Variants in AHDC1 observed in about 807,000 individuals in gnomAD.
AHDC1 encodes AT-hook DNA binding motif containing 1, also known as transcription factor Gibbin.
AHDC1 carries 7 observed loss-of-function variants against 87.9 expected under a neutral mutation model. The observed-to-expected ratio is 0.08, with a 90% confidence interval of 0.05 to 0.15. The LOEUF (loss-of-function observed/expected upper bound fraction) is 0.15, where lower values mean the gene tolerates loss of function less well. AHDC1 is among the 10% of genes least tolerant of loss of function. The probability of loss-of-function intolerance (pLI) is 1.00; values close to 1 mark genes in which losing one functional copy is unlikely to be tolerated. For missense variants in AHDC1, 1,841 were observed against 2,253.2 expected (o/e 0.82, Z 3.70); for synonymous variants, 1,051 against 1,006.8 (o/e 1.04, Z -0.83).
chr1:27,597,335 TTGTGTG>T (rs58592828), intron 3 of AHDC1, among the ~76,000 whole-genome samples: 2,196 of 149,454 alleles, frequency 0.015, 58 homozygotes, highest in African/African-American at 0.051. Flanking sequence ...TGTCACAAAT[TTGTGTG>T]TGTGTGTGTG....
intron 3 of AHDC1, among the ~76,000 whole-genome samples, chr1:27,577,342 G>A (rs1410234146): frequency 3.3e-5 from 5 of 152,226 alleles, no homozygotes; most frequent in Admixed American, 6.5e-5. Flanking sequence ...CCTGCCGTGC[G>A]GCAGCTAGAG....
Position 27,561,469 on chromosome 1 carries a change from G to C in AHDC1, c.-628-2586C>G, listed in dbSNP as rs760529669. Among the ~76,000 whole-genome samples, 1 of 152,238 alleles carries C rather than the reference G, an allele frequency of 6.6e-6. No homozygotes were observed. The highest frequency in any genetic ancestry group is 1.5e-5 in the Non-Finnish European group (1 of 68,046). On this transcript the variant is annotated intron_variant, in intron 3 of 8. Coordinates refer to ENST00000673934, the MANE Select transcript of AHDC1 (RefSeq NM_001371928.1). This position sits in a 1 kb window ranked among gnomAD's most constrained non-coding sequence, Gnocchi z 4.2. Reference sequence around the variant, plus strand: ...CCAACAGTGCCCACACAGGCTGGGGGAGCTGCTGGGAGGCAGAGGACAGTG... The same window carrying C: ...CCAACAGTGCCCACACAGGCTGGGGCAGCTGCTGGGAGGCAGAGGACAGTG...
intron 8 of AHDC1, among the ~76,000 whole-genome samples, chr1:27,541,724 G>C (rs2018931228): frequency 6.6e-6 from 1 of 151,710 alleles, no homozygotes; most frequent in African/African-American, 2.4e-5. Flanking sequence ...CCGCCTCCCG[G>C]GATCAAGCAG....
rs1571264520 is a variant in AHDC1 at position 27,560,011 on chromosome 1, C to G, written c.-628-1128G>C. Among the ~76,000 whole-genome samples, 1 of 152,328 alleles carries G rather than the reference C, an allele frequency of 6.6e-6. No individual in the cohort carries two copies. Among genetic ancestry groups the G allele is most frequent in the South Asian group, 2.1e-4 (1 of 4,830 alleles). ...CCTGTTCGTGTGCTTCTCTGTATTT[C>G]TGTACGTCTGTGTGGGTACATGTGG... On this transcript the variant is annotated intron_variant, in intron 3 of 8. Transcript: ENST00000673934. This position sits in a 1 kb window ranked among gnomAD's most constrained non-coding sequence, Gnocchi z 4.1.
intron 3 of AHDC1, among the ~76,000 whole-genome samples, chr1:27,579,764 C>T (rs2088858219): frequency 6.6e-6 from 1 of 152,214 alleles, no homozygotes; most frequent in Admixed American, 6.5e-5. Flanking sequence ...TTTCAAGGTG[C>T]AATGGCAGAG....
chr1:27,537,838 G>T (rs906141476), intron 8 of AHDC1, among the ~76,000 whole-genome samples: 1 of 152,136 alleles, frequency 6.6e-6, no homozygotes, highest in Non-Finnish European at 1.5e-5. Flanking sequence ...TGCCTGTCAA[G>T]GGGGGGACTG....
In AHDC1 at chr1:27,545,885, G is replaced by A. The variant is rs539533429; in HGVS notation, c.*43+1376C>T. On this transcript the variant is annotated intron_variant, in intron 8 of 8. Coordinates refer to ENST00000673934, the MANE Select transcript of AHDC1 (RefSeq NM_001371928.1). Reference sequence around the variant, plus strand: ...CAAAAGCTTGGTCAAGGGCATGTGGGAAGTTGGTGGCCAATCTGGGAATGG... The same window carrying A: ...CAAAAGCTTGGTCAAGGGCATGTGGAAAGTTGGTGGCCAATCTGGGAATGG... Among the ~76,000 whole-genome samples, 9 of 152,322 alleles carry A rather than the reference G, an allele frequency of 5.9e-5. No homozygotes were observed. The East Asian group carries it at 1.5e-3, about 26-fold the overall frequency.
chr1:27,583,620 A>G (rs2088969017), intron 3 of AHDC1, among the ~76,000 whole-genome samples: 1 of 151,946 alleles, frequency 6.6e-6, no homozygotes, highest in Non-Finnish European at 1.5e-5. Flanking sequence ...TGCTGGATCA[A>G]TGCCCTCACC....
intron 8 of AHDC1, among the ~76,000 whole-genome samples, chr1:27,541,775 A>C (rs902196672): frequency 1.3e-5 from 2 of 151,630 alleles, no homozygotes; most frequent in Non-Finnish European, 2.9e-5. Flanking sequence ...CACTACAGGC[A>C]CCTGCCATCA....
Position 27,561,238 on chromosome 1 carries a change from GC to G in AHDC1, c.-628-2356del, listed in dbSNP as rs1435933994. 1.3e-5 allele frequency among the ~76,000 whole-genome samples: 2 copies of G among 152,198 alleles called. No individual in the cohort carries two copies. The highest frequency in any genetic ancestry group is 3.8e-4 in the East Asian group (2 of 5,198). ...GCCCTCCAGTGGGGGTAGATTGGCT[GC>G]CCCCCATTCAGGCCCCCACAGCTCG... On this transcript the variant is annotated intron_variant, in intron 3 of 8. Transcript: ENST00000673934. This position sits in a 1 kb window ranked among gnomAD's most constrained non-coding sequence, Gnocchi z 4.2.
At position 27,595,213 on chromosome 1, in the gene AHDC1, T is replaced by C. The variant is rs932261011; in HGVS notation, c.-629+8184A>G. 6.6e-6 allele frequency among the ~76,000 whole-genome samples: 1 copy of C among 151,888 alleles called. No homozygotes were observed. The highest frequency in any genetic ancestry group is 2.4e-5 in the African/African-American group (1 of 41,306). ...TTTGAAGCAGTGAGTGTATGTGTGTTGTAGGGGGAGGCTGTATGTTTGGAA... is the reference window on the plus strand; with the variant it reads ...TTTGAAGCAGTGAGTGTATGTGTGTCGTAGGGGGAGGCTGTATGTTTGGAA... On this transcript the variant is annotated intron_variant, in intron 3 of 8. Transcript: ENST00000673934. This position sits in a 1 kb window ranked among gnomAD's most constrained non-coding sequence, Gnocchi z 4.0.
Position 27,595,402 on chromosome 1 carries a change from G to C in AHDC1, c.-629+7995C>G, listed in dbSNP as rs1412244751. 6.6e-6 allele frequency among the ~76,000 whole-genome samples: 1 copy of C among 151,532 alleles called. No homozygotes were observed. The highest frequency in any genetic ancestry group is 2.4e-5 in the African/African-American group (1 of 41,132). ...CTGTAGCTGGGTCCTGGGTGTATCT[G>C]GCAGTGTTGGGGTTGGATAGGGGGT... On this transcript the variant is annotated intron_variant, in intron 3 of 8. Coordinates refer to ENST00000673934, the MANE Select transcript of AHDC1 (RefSeq NM_001371928.1). This position sits in a 1 kb window ranked among gnomAD's most constrained non-coding sequence, Gnocchi z 4.0.
intron 3 of AHDC1, among the ~76,000 whole-genome samples, chr1:27,570,263 G>A (rs566412189): frequency 6.6e-6 from 1 of 151,974 alleles, no homozygotes; most frequent in Admixed American, 6.5e-5. Flanking sequence ...GGCTATTTTC[G>A]CTCTGGGATC....
chr1:27,542,612 C>A (rs977452297), intron 8 of AHDC1, among the ~76,000 whole-genome samples: 2 of 152,196 alleles, frequency 1.3e-5, no homozygotes, highest in Non-Finnish European at 2.9e-5. Context: ...ACAAGAGATG[C>A]AGAGAGGTGA....
rs2089427951 is a variant in AHDC1, at chr1:27,598,152, C to T, written c.-629+5245G>A. On this transcript the variant is annotated intron_variant, in intron 3 of 8. Transcript: ENST00000673934. The surrounding 1 kb of genome is among the most constrained non-coding windows in gnomAD (Gnocchi z 4.2). The stretch of plus-strand genomic sequence containing the variant: ...GGGAGGGGGTGCAGAGCTGCAGCTT[C>T]TGGAAGCTTCAGTGGCAGCTGGGCT... Among the ~76,000 whole-genome samples the T allele has an allele frequency of 6.6e-6, 1 of 152,228 alleles. No homozygotes were observed. Among genetic ancestry groups the T allele is most frequent in the Non-Finnish European group, 1.5e-5 (1 of 68,042 alleles).
chr1:27,547,062 C>T lies in AHDC1; in HGVS notation c.*43+199G>A, dbSNP rs1288107696. On this transcript the variant is annotated intron_variant, in intron 8 of 8. Coordinates refer to ENST00000673934, the MANE Select transcript of AHDC1 (RefSeq NM_001371928.1). This position sits in a 1 kb window ranked among gnomAD's most constrained non-coding sequence, Gnocchi z 4.9. ...ACGTTCAAGCCCCCTGCTGAGTTCC[C>T]AGCCCAAGCACCCCATCTCCTCCTG... Among the ~76,000 whole-genome samples, 1 of 151,718 alleles carries T rather than the reference C, an allele frequency of 6.6e-6. No individual in the cohort carries two copies. Among genetic ancestry groups the T allele is most frequent in the Non-Finnish European group, 1.5e-5 (1 of 67,928 alleles).
At chr1:27,545,536 C>G (rs1055516854) in intron 8 of AHDC1, among the ~76,000 whole-genome samples, 1 of 151,692 alleles carries the variant, frequency 6.6e-6, no homozygotes. Context: ...CTGGGAGGAA[C>G]GGTTTTTGGA....
chr1:27,594,232 C>T (rs779369162), intron 3 of AHDC1, among the ~76,000 whole-genome samples: 4 of 152,158 alleles, frequency 2.6e-5, no homozygotes, highest in Non-Finnish European at 5.9e-5. Flanking sequence ...GCCCCGCAGC[C>T]TGGATTTGGG....
chr1:27,555,944 TC>T, intron 5 of AHDC1, among the ~76,000 whole-genome samples: 1 of 152,054 alleles, frequency 6.6e-6, no homozygotes, highest in South Asian at 2.1e-4. Context: ...AACAGCTGGC[TC>T]CCCTCCTCAC....
Sources: gnomAD v4.1 joint callset for allele counts (sites outside exome capture counted in the v4.1 genomes callset) on GRCh38, gnomAD v4.1.1 for gene constraint, Gnocchi (gnomAD v3.1) non-coding constraint, MANE v1.5 for transcripts, NCBI Gene and HGNC (gene_info 2026-07-23, HGNC 2026-07-21) for gene names.